Variants in DUSP14 observed in about 807,000 individuals in gnomAD.
DUSP14 encodes dual specificity protein phosphatase 14.
DUSP14 carries 5 observed loss-of-function variants against 13.2 expected under a neutral mutation model. The observed-to-expected ratio is 0.38, with a 90% CI of 0.20 to 0.80. The LOEUF (loss-of-function observed/expected upper bound fraction) is 0.80. Ranked by LOEUF, DUSP14 falls within the 30% of genes least tolerant of loss-of-function variation. DUSP14 has a pLI of 0.44. For synonymous variants in DUSP14, 91 were observed against 103.4 expected, an observed-to-expected ratio of 0.88 and a Z score of 0.73; for missense variants, 185 against 264.0, an observed-to-expected ratio of 0.70 and a Z score of 2.07.
intron 1 of DUSP14, among the ~76,000 whole-genome samples, chr17:37,506,959 T>A (rs1027577366): frequency 6.6e-6 from 1 of 152,188 alleles, no homozygotes; most frequent in Non-Finnish European, 1.5e-5. Context: ...TGGCAGACGC[T>A]GGCTGGTGGT....
At chr17:37,494,139 G>A (rs771816243) in intron 1 of DUSP14, among the ~76,000 whole-genome samples, 1 of 151,846 alleles carries the variant, frequency 6.6e-6, no homozygotes, top group Non-Finnish European at 1.5e-5. Context: ...GACCACAGGT[G>A]CCCGTCACCA....
rs1354845720 is a variant in DUSP14 at position 37,512,362 on chromosome 17, C to T, written c.90C>T (p.Ile30=). ...SEGDIGGIAQ[I]TSSLFLGRGS... ...GAGACATAGGAGGCATTGCTCAAAT[C>T]ACCTCCTCTCTATTCCTGGGCAGAG... The change falls in exon 3 of 3, where the codon ATC becomes ATT. Residue 30 remains isoleucine (I), a synonymous_variant. Coordinates refer to ENST00000617516, the MANE Select transcript of DUSP14 (RefSeq NM_007026.4). The surrounding 1 kb of genome is among the most constrained non-coding windows in gnomAD (Gnocchi z 4.8). The T allele has an allele frequency of 6.2e-7, 1 of 1,614,024 alleles. No homozygotes were observed. Among genetic ancestry groups the T allele is most frequent in the Non-Finnish European group, 8.5e-7 (1 of 1,180,030 alleles).
At chr17:37,505,340 C>T (rs1201112862) in intron 1 of DUSP14, among the ~76,000 whole-genome samples, 5 of 152,156 alleles carry the variant, frequency 3.3e-5, no homozygotes, top group African/African-American at 1.2e-4. Context: ...TGTACTCTAG[C>T]CTGGGCAACA....
intron 2 of DUSP14, among the ~76,000 whole-genome samples, chr17:37,511,011 T>C (rs946759180): frequency 5.9e-5 from 9 of 151,424 alleles, no homozygotes; most frequent in Admixed American, 5.3e-4. Context: ...TATATCAATA[T>C]ATATGTAAAT....
Position 37,512,307 on chromosome 17 carries a change from C to T in DUSP14, c.35C>T (p.Thr12Ile), listed in dbSNP as rs139010598. 1,114 of 1,613,314 alleles carry T rather than the reference C, an allele frequency of 6.9e-4. 1 individual carries two copies. Among genetic ancestry groups the T allele is most frequent in the Non-Finnish European group, 8.5e-4 (1,000 of 1,179,484 alleles). ...SSRGHSTLPRTLMAPRMISEG... is the reference protein window; with the variant it reads ...SSRGHSTLPRILMAPRMISEG... Reference sequence around the variant, plus strand: ...AGAGGTCACAGCACGCTACCAAGGACTCTCATGGCCCCTCGGATGATTTCC... The same window carrying T: ...AGAGGTCACAGCACGCTACCAAGGATTCTCATGGCCCCTCGGATGATTTCC... The change falls in exon 3 of 3, where the codon ACT becomes ATT. Residue 12 changes from threonine to isoleucine, a missense_variant. Physicochemically the swap from Thr to Ile is moderately conservative, Grantham distance 89 (BLOSUM62 -1). Transcript: ENST00000617516. The surrounding 1 kb of genome is among the most constrained non-coding windows in gnomAD (Gnocchi z 4.8).
intron 1 of DUSP14, among the ~76,000 whole-genome samples, chr17:37,506,223 C>A (rs955713107): frequency 6.6e-6 from 1 of 152,028 alleles, no homozygotes; most frequent in Middle Eastern, 3.2e-3. Flanking sequence ...CGAGATAGCG[C>A]CATTGCACTC....
chr17:37,499,438 C>T (rs1363978734), intron 1 of DUSP14, among the ~76,000 whole-genome samples: 3 of 152,164 alleles, frequency 2.0e-5, no homozygotes, highest in Non-Finnish European at 4.4e-5. Context: ...CTCCTGGGCT[C>T]AAGCAATCCT....
chr17:37,500,869 C>T (rs1171612927), intron 1 of DUSP14, among the ~76,000 whole-genome samples: 16 of 152,156 alleles, frequency 1.1e-4, no homozygotes, highest in Non-Finnish European at 1.2e-4. Context: ...AGACTGTAGA[C>T]GTAAAGCACA....
At chr17:37,496,629 CTGTAATCCCAGCTACT>C (rs1461030319) in intron 1 of DUSP14, among the ~76,000 whole-genome samples, 1 of 152,136 alleles carries the variant, frequency 6.6e-6, no homozygotes, top group Non-Finnish European at 1.5e-5. Context: ...TCGTGGGCCC[CTGTAATCCCAGCTACT>C]CCAGAGGCTG....
At chr17:37,502,573 T>C (rs1466025469) in intron 1 of DUSP14, among the ~76,000 whole-genome samples, 3 of 152,160 alleles carry the variant, frequency 2.0e-5, no homozygotes, top group Admixed American at 2.0e-4. Context: ...TGCTTCACAA[T>C]GTCCGAGGCC....
At chr17:37,497,041 G>A (rs1311238158) in intron 1 of DUSP14, among the ~76,000 whole-genome samples, 1 of 151,556 alleles carries the variant, frequency 6.6e-6, no homozygotes. Context: ...GTATTATCAA[G>A]TCAGAGCTTC....
chr17:37,500,936 C>A (rs561610889), intron 1 of DUSP14, among the ~76,000 whole-genome samples: 1 of 152,122 alleles, frequency 6.6e-6, no homozygotes, highest in Non-Finnish European at 1.5e-5. Flanking sequence ...GTTTCCCGCC[C>A]CCTCCCCGCC....
intron 1 of DUSP14, among the ~76,000 whole-genome samples, chr17:37,505,341 C>G (rs529501769): frequency 6.6e-6 from 1 of 152,288 alleles, no homozygotes; most frequent in South Asian, 2.1e-4. Flanking sequence ...GTACTCTAGC[C>G]TGGGCAACAG....
chr17:37,512,296 G>C lies in DUSP14; in HGVS notation c.24G>C (p.Thr8=). The C allele has an allele frequency of 9.3e-6, 15 of 1,611,582 alleles. No homozygotes were observed. Among genetic ancestry groups the C allele is most frequent in the Non-Finnish European group, 1.3e-5 (15 of 1,178,378 alleles). The part of the protein sequence containing the change: MSSRGHS[T]LPRTLMAPRM... ...TCATGAGCTCCAGAGGTCACAGCAC[G>C]CTACCAAGGACTCTCATGGCCCCTC... The change falls in exon 3 of 3, where the codon ACG becomes ACC. Residue 8 remains threonine (T), a synonymous_variant. Transcript: ENST00000617516. This position sits in a 1 kb window ranked among gnomAD's most constrained non-coding sequence, Gnocchi z 4.8.
At chr17:37,511,528 G>A (rs979611575) in intron 2 of DUSP14, among the ~76,000 whole-genome samples, 3 of 147,354 alleles carry the variant, frequency 2.0e-5, no homozygotes, top group Non-Finnish European at 4.4e-5. Flanking sequence ...TGATCCACCC[G>A]CCTCAGCCTC....
At chr17:37,497,370 A>G (rs1179005386) in intron 1 of DUSP14, among the ~76,000 whole-genome samples, 1 of 152,158 alleles carries the variant, frequency 6.6e-6, no homozygotes, top group East Asian at 1.9e-4. Flanking sequence ...CAAACCCCTG[A>G]CCTCAAGTGA....
chr17:37,509,243 CTATATATATATATATATATA>C lies in DUSP14; in HGVS notation c.-180-1399_-180-1380del, dbSNP rs71135736. Among the ~76,000 whole-genome samples, 155 of 44,808 alleles carry C rather than the reference CTATATATATATATATATATA, an allele frequency of 3.5e-3. 3 individuals are homozygous for C. Among genetic ancestry groups the C allele is most frequent in the African/African-American group, 5.2e-3 (62 of 11,966 alleles). The allele number at this position is 44,808 out of a possible 152,430, so 29.4% of individuals were successfully genotyped here. On this transcript the variant is annotated intron_variant, in intron 1 of 2. Transcript: ENST00000617516. ...ACTATATATACACACTATATACACA[CTATATATATATATATATATA>C]TATATATATATATATATATATATAT...
chr17:37,495,190 G>T (rs528514727), intron 1 of DUSP14, among the ~76,000 whole-genome samples: 1 of 152,168 alleles, frequency 6.6e-6, no homozygotes, highest in Non-Finnish European at 1.5e-5. Flanking sequence ...CAGGGCAGGG[G>T]CAGCCTCAGC....
At chr17:37,489,796 C>T (rs1322755218), upstream of DUSP14, 1 of 147,060 alleles carries the variant, frequency 6.8e-6, no homozygotes, top group Non-Finnish European at 1.5e-5. Context: ...GTCCCCCCAC[C>T]TCGGGAGAGG....
Sources: allele counts gnomAD v4.1 joint callset (sites outside exome capture counted in the v4.1 genomes callset), GRCh38; gene constraint gnomAD v4.1.1; non-coding constraint Gnocchi (gnomAD v3.1); transcripts MANE v1.5; gene names NCBI Gene and HGNC (gene_info 2026-07-23, HGNC 2026-07-21).